The following IRX4 variants were observed in gnomAD, a reference collection of about 807,000 sequenced individuals.
IRX4 encodes iroquois homeobox 4.
A neutral mutation model predicts 32.0 loss-of-function variants in IRX4; 22 were observed. That is an observed-to-expected ratio of 0.69 (90% CI 0.49 to 0.98). The LOEUF (loss-of-function observed/expected upper bound fraction) is 0.98, where lower values mean the gene tolerates loss of function less well. Ranked by LOEUF, IRX4 falls within the 50% of genes least tolerant of loss-of-function variation. IRX4 has a pLI of 0.00. For synonymous variants in IRX4, 379 were observed against 351.7 expected (o/e 1.08, Z -0.87); for missense variants, 840 against 744.2 (o/e 1.13, Z -1.50).
At chr5:1,879,286 C>A (rs1017987439) in intron 4 of IRX4, among the ~76,000 whole-genome samples, 1 of 152,210 alleles carries the variant, frequency 6.6e-6, no homozygotes, top group Non-Finnish European at 1.5e-5. Context: ...CCACCGCGCC[C>A]GGCCTACTAT....
At chr5:1,885,346 C>A (rs1198960427), upstream of IRX4, among the ~76,000 whole-genome samples, 1 of 152,208 alleles carries the variant, frequency 6.6e-6, no homozygotes, top group Non-Finnish European at 1.5e-5. Context: ...CTTCCTTTGA[C>A]CACCACCGCC....
At chr5:1,880,905 C>A (rs1735405445) in intron 2 of IRX4, 71 bp from the exon 3 acceptor site, 3 of 1,132,124 alleles carry the variant, frequency 2.6e-6, no homozygotes, top group Non-Finnish European at 2.7e-6. Flanking sequence ...CTCCTAGGAG[C>A]CCCCCACTCC....
chr5:1,878,069 C>A lies in IRX4; in HGVS notation c.1460G>T (p.Arg487Leu). ...GANVLTAPLA[R>L]AFPPAVPQDA... ...CTGGGGCACGGCAGGCGGAAAGGCG[C>A]GGGCCAGGGGTGCAGTCAGCACGTT... Residue 487 changes from arginine (R) to leucine (L), a missense_variant, in exon 5 of 5, where the codon CGC becomes CTC. By Grantham distance (102) the Arg-to-Leu change is moderately radical. This residue lies in a region of IRX4 where 585 missense variants were observed against 488.0 expected (regional missense o/e 1.20). Coordinates refer to ENST00000231357, the MANE Select transcript of IRX4 (RefSeq NM_016358.3). 1 of 1,514,788 alleles carries A rather than the reference C, an allele frequency of 6.6e-7. No individual in the cohort carries two copies. Among genetic ancestry groups the A allele is most frequent in the East Asian group, 2.5e-5 (1 of 39,732 alleles). The allele number at this position is 1,514,788 out of a possible 1,614,324, so 93.8% of individuals were successfully genotyped here. A position where few individuals can be genotyped will look rare whatever the true frequency, so the allele number is the denominator to read the frequency against.
At chr5:1,879,057 T>G (rs896701569) in intron 4 of IRX4, among the ~76,000 whole-genome samples, 8 of 151,524 alleles carry the variant, frequency 5.3e-5, no homozygotes, top group African/African-American at 1.9e-4. Flanking sequence ...AGTGGCGCGA[T>G]CTCAGCTCAC....
At position 1,878,192 on chromosome 5, in the gene IRX4, G is replaced by T. The variant is rs369407092; in HGVS notation, c.1337C>A (p.Pro446His). The T allele has an allele frequency of 6.3e-7, 1 of 1,596,014 alleles. No individual in the cohort carries two copies. Among genetic ancestry groups the T allele is most frequent in the East Asian group, 2.3e-5 (1 of 44,268 alleles). Residue 446 changes from proline (P) to histidine (H), a missense_variant, in exon 5 of 5, where the codon CCC (proline) becomes CAC (histidine). Pro to His is a moderately conservative substitution (Grantham distance 77, BLOSUM62 -2). Around this residue, in one of 3 missense-constraint regions of IRX4, gnomAD observed 585 missense variants for 488.0 expected, o/e 1.20. Coordinates refer to ENST00000231357, the MANE Select transcript of IRX4 (RefSeq NM_016358.3). ...GTTCAAAGTGCTGTGCCTGAGGATG[G>T]GGTCGTGGAAGACCCCGTCCACCCA... ...RNWVDGVFHD[P>H]ILRHSTLNQA...
upstream of IRX4, among the ~76,000 whole-genome samples, chr5:1,886,402 C>G (rs1444745443): frequency 2.0e-5 from 3 of 152,256 alleles, no homozygotes; most frequent in African/African-American, 2.4e-5. Flanking sequence ...GCCCACCGCT[C>G]GGGACACCCG....
At chr5:1,881,507 G>A (rs932262475) in intron 2 of IRX4, among the ~76,000 whole-genome samples, 4 of 151,460 alleles carry the variant, frequency 2.6e-5, no homozygotes, top group African/African-American at 7.3e-5. Context: ...ATGAGGGAGG[G>A]AAATCTACCA....
At position 1,882,018 on chromosome 5, in the gene IRX4, G is replaced by A. The variant is rs1422757020; in HGVS notation, c.87C>T (p.Ser29=). The A allele has an allele frequency of 2.6e-6, 4 of 1,548,312 alleles. No homozygotes were observed. Among genetic ancestry groups the A allele is most frequent in the Non-Finnish European group, 3.5e-6 (4 of 1,147,056 alleles). The change falls in exon 2 of 5, where the codon TCC becomes TCT. Residue 29 remains serine (S), a synonymous_variant. Coordinates refer to ENST00000231357, the MANE Select transcript of IRX4 (RefSeq NM_016358.3). ...ATNSLSTCCE[S]GGRTLADSGP... is the part of the protein sequence containing the mutation. ...CGGAGTCCGCCAGCGTGCGGCCTCC[G>A]GACTCGCAGCACGTGCTCAGGGAGT... is the stretch of plus-strand genomic sequence containing the variant.
chr5:1,878,746 G>T lies in IRX4; in HGVS notation c.783C>A (p.Asp261Glu). Residue 261 changes from aspartate (D) to glutamate (E), a missense_variant, in exon 5 of 5, where the codon GAC (aspartate) becomes GAA (glutamate). Around this residue, in one of 3 missense-constraint regions of IRX4, gnomAD observed 585 missense variants for 488.0 expected, o/e 1.20. Coordinates refer to ENST00000231357, the MANE Select transcript of IRX4 (RefSeq NM_016358.3). ...EEKELELSDL[D>E]DFDPLEAEPP... ...GCTCTGCTTCCAGCGGGTCGAAGTC[G>T]TCCAAGTCACTAAGCTCCAGCTCCT... The T allele has an allele frequency of 1.2e-6, 2 of 1,613,168 alleles. No individual in the cohort carries two copies. Among genetic ancestry groups the T allele is most frequent in the Non-Finnish European group, 1.7e-6 (2 of 1,179,968 alleles).
At chr5:1,878,822 GGAGA>G in intron 4 of IRX4, 30 bp from the exon 5 acceptor site, 2 of 1,608,526 alleles carry the variant, frequency 1.2e-6, no homozygotes, top group Non-Finnish European at 1.7e-6. Context: ...GCCAGTGGAG[GGAGA>G]GGGTTGGTAG....
intron 1 of IRX4, among the ~76,000 whole-genome samples, chr5:1,882,375 G>A (rs1289580985): frequency 6.6e-6 from 1 of 152,206 alleles, no homozygotes; most frequent in Admixed American, 6.5e-5. Flanking sequence ...TGAGCCTTGT[G>A]GTTCAAACAT....
At position 1,880,847 on chromosome 5, in the gene IRX4, A is replaced by T; in HGVS notation, c.298-13T>A. 2 of 1,608,312 alleles carry T rather than the reference A, an allele frequency of 1.2e-6. No homozygotes were observed. Among genetic ancestry groups the T allele is most frequent in the Non-Finnish European group, 1.7e-6 (2 of 1,175,292 alleles). ...AATCAAAGCTGTTCTGTGGGAGCCA[A>T]GAGTCTGGGGTCGCAGTTTCCAGGG... On this transcript the variant is annotated splice_polypyrimidine_tract_variant and intron_variant, in intron 2 of 4. Transcript: ENST00000231357.
chr5:1,878,769 CCTT>C lies in IRX4; in HGVS notation c.757_759del (p.Lys253del). ...TCGTCCAAGTCACTAAGCTCCAGCT[CCTT>C]CTCCTCTTTGCCCACGGGCTCTGCG... On this transcript the variant is annotated inframe_deletion, in exon 5 of 5. Coordinates refer to ENST00000231357, the MANE Select transcript of IRX4 (RefSeq NM_016358.3). 6.2e-7 allele frequency: 1 copy of C among 1,613,312 alleles called. No individual in the cohort carries two copies. Among genetic ancestry groups the C allele is most frequent in the Non-Finnish European group, 8.5e-7 (1 of 1,179,924 alleles).
In IRX4 at chr5:1,879,271, G is replaced by C. The variant is rs10475119; in HGVS notation, c.736+233C>G. ...CTTCCAAAGCGCTGGGATTACAGGC[G>C]TGAGCCACCGCGCCCGGCCTACTAT... On this transcript the variant is annotated intron_variant, in intron 4 of 4. Coordinates refer to ENST00000231357, the MANE Select transcript of IRX4 (RefSeq NM_016358.3). 0.25 allele frequency among the ~76,000 whole-genome samples: 38,097 copies of C among 152,096 alleles called. 4,881 individuals are homozygous for C. Among genetic ancestry groups the C allele is most frequent in the Admixed American group, 0.3 (4,639 of 15,290 alleles).
intron 2 of IRX4, 49 bp downstream of exon 2, chr5:1,881,759 G>A (rs918282092): frequency 6.4e-7 from 1 of 1,556,014 alleles, no homozygotes; most frequent in Admixed American, 1.9e-5. Flanking sequence ...AGTGGGCTTG[G>A]CAAATCGAGG....
Position 1,882,580 on chromosome 5 carries a change from G to A in IRX4, c.45+23C>T, listed in dbSNP as rs759386510. On this transcript the variant is annotated intron_variant, in intron 1 of 4. Coordinates refer to ENST00000231357, the MANE Select transcript of IRX4 (RefSeq NM_016358.3). ...GCCCTACCGGCACCTGCGGTGGCCT[G>A]GGCGGGGCGGGGCTCCGCTTACCTG... is the stretch of plus-strand genomic sequence containing the variant. 2.0e-6 allele frequency: 3 copies of A among 1,489,854 alleles called. No homozygotes were observed. The African/African-American group carries it at 4.4e-5, about 22-fold the overall frequency. The allele number at this position is 1,489,854 out of a possible 1,614,324, so 92.3% of individuals were successfully genotyped here. A position where few individuals can be genotyped will look rare whatever the true frequency, so the allele number is the denominator to read the frequency against.
upstream of IRX4, among the ~76,000 whole-genome samples, chr5:1,883,565 G>A (rs1161225790): frequency 6.6e-6 from 1 of 152,246 alleles, no homozygotes. Flanking sequence ...GGGCTTCGGG[G>A]CCTTAGTTGG....
chr5:1,881,719 G>C, intron 2 of IRX4, 89 bp downstream of exon 2: 1 of 1,477,216 alleles, frequency 6.8e-7, no homozygotes, highest in South Asian at 1.2e-5. Flanking sequence ...ACAGTCCGGG[G>C]ACCCGGACTG....
At position 1,878,397 on chromosome 5, in the gene IRX4, C is replaced by CGGCGGT; in HGVS notation, c.1126_1131dup (p.Thr376_Ala377dup). The stretch of plus-strand genomic sequence containing the variant: ...CTCAGGGAGGTGGCGGCGGCGGCGG[C>CGGCGGT]GGCGGTGGCTGTGTGGGCCAGGGAC... On this transcript the variant is annotated inframe_insertion, in exon 5 of 5. Coordinates refer to ENST00000231357, the MANE Select transcript of IRX4 (RefSeq NM_016358.3). 2 of 1,524,354 alleles carry CGGCGGT rather than the reference C, an allele frequency of 1.3e-6. No individual in the cohort carries two copies. Among genetic ancestry groups the CGGCGGT allele is most frequent in the South Asian group, 1.2e-5 (1 of 82,144 alleles). 94.4% of individuals were successfully genotyped at this position (1,524,354 alleles called of 1,614,324 possible).
Sources: gnomAD v4.1 joint callset for allele counts (sites outside exome capture counted in the v4.1 genomes callset) on GRCh38, gnomAD v4.1.1 for gene constraint, gnomAD v4.1.1 regional missense constraint, MANE v1.5 for transcripts, NCBI Gene and HGNC (gene_info 2026-07-23, HGNC 2026-07-21) for gene names.